AAGAB: variants seen among roughly 807,000 people sequenced by gnomAD.
AAGAB encodes alpha and gamma adaptin binding protein.
In AAGAB, 38 loss-of-function variants were observed where a neutral mutation model predicts 44.1. That is an observed-to-expected ratio of 0.86 (90% CI 0.67 to 1.13). The LOEUF (loss-of-function observed/expected upper bound fraction) is 1.13. Ranked by LOEUF, AAGAB falls within the 50% of genes most tolerant of loss-of-function variation. The probability of loss-of-function intolerance (pLI) is 0.00; values close to 1 mark genes in which losing one functional copy is unlikely to be tolerated. For missense variants in AAGAB, 450 were observed against 373.8 expected, an observed-to-expected ratio of 1.20 and a Z score of -1.68; for synonymous variants, 131 against 131.8, an observed-to-expected ratio of 0.99 and a Z score of 0.04.
chr15:67,224,091 T>C (rs1304781393), intron 5 of AAGAB, among the ~76,000 whole-genome samples: 1 of 152,228 alleles, frequency 6.6e-6, no homozygotes, highest in Non-Finnish European at 1.5e-5. Flanking sequence ...CTATATAACA[T>C]ACTAATTGCT....
chr15:67,238,057 A>G (rs2140382707), intron 1 of AAGAB, among the ~76,000 whole-genome samples: 1 of 152,356 alleles, frequency 6.6e-6, no homozygotes, highest in Non-Finnish European at 1.5e-5. Context: ...AAGTTTCATC[A>G]TGCAGTTAAG....
Position 67,241,609 on chromosome 15 carries a change from C to G in AAGAB, c.74-4789G>C, listed in dbSNP as rs142623657. Reference sequence around the variant, plus strand: ...ACAGGCCTGCATTTGCATGCTGGCTCTCTGCAAAGCCTTGGGCAGATTAAC... The same window carrying G: ...ACAGGCCTGCATTTGCATGCTGGCTGTCTGCAAAGCCTTGGGCAGATTAAC... On this transcript the variant is annotated intron_variant, in intron 1 of 9. Coordinates refer to ENST00000261880, the MANE Select transcript of AAGAB (RefSeq NM_024666.5). Among the ~76,000 whole-genome samples, 104 of 152,122 alleles carry G rather than the reference C, an allele frequency of 6.8e-4. 4 individuals carry two copies. In the East Asian group the frequency reaches 0.012, roughly 18 times the overall value.
At chr15:67,222,240 GCGCACACACACACACACACA>G (rs1964090898) in intron 5 of AAGAB, among the ~76,000 whole-genome samples, 2 of 88,278 alleles carry the variant, frequency 2.3e-5, no homozygotes, top group Middle Eastern at 6.3e-3. Context: ...ACGCGCGCGC[GCGCACACACACACACACACA>G]CACACACACA....
intron 5 of AAGAB, among the ~76,000 whole-genome samples, chr15:67,224,935 C>T (rs1028596867): frequency 6.6e-6 from 1 of 152,162 alleles, no homozygotes; most frequent in Non-Finnish European, 1.5e-5. Context: ...CAAGGTCAGG[C>T]AAGGGGCTAA....
At chr15:67,203,496 T>C (rs1475011593) in intron 9 of AAGAB, 52 bp downstream of exon 9, 3 of 1,457,730 alleles carry the variant, frequency 2.1e-6, no homozygotes, top group Admixed American at 1.8e-5. Context: ...ATTATAATAA[T>C]AGCACTGGAC....
chr15:67,226,894 T>A, intron 5 of AAGAB: 1 of 296,532 alleles, frequency 3.4e-6, no homozygotes, highest in South Asian at 2.9e-5. Flanking sequence ...CTTACGTTTT[T>A]AATTACCTAG....
chr15:67,206,822 C>A (rs1030494793), intron 7 of AAGAB, among the ~76,000 whole-genome samples: 1 of 152,044 alleles, frequency 6.6e-6, no homozygotes, highest in African/African-American at 2.4e-5. Flanking sequence ...TTTTTCTTGC[C>A]CAAGTCCTGG....
Position 67,236,431 on chromosome 15 carries a change from AC to A in AAGAB, c.337del (p.Val113SerfsTer10), listed in dbSNP as rs760548483. On this transcript the variant is annotated frameshift_variant, in exon 3 of 10. Coordinates refer to ENST00000261880, the MANE Select transcript of AAGAB (RefSeq NM_024666.5). LOFTEE classifies it high-confidence loss of function. ...KAWLPEVMILVCDRVSEDGIN... is the reference protein window; with the variant it reads ...KAWLPEVMILXCDRVSEDGIN... ...ACCATCTTCAGACACTCTATCGCAG[AC>A]CAAGATCATCACCTCAGGTAACCAT... 1 of 1,614,046 alleles carries A rather than the reference AC, an allele frequency of 6.2e-7. No homozygotes were observed. Among genetic ancestry groups the A allele is most frequent in the African/African-American group, 1.3e-5 (1 of 74,934 alleles).
intron 5 of AAGAB, among the ~76,000 whole-genome samples, chr15:67,214,002 A>G (rs1963884388): frequency 6.6e-6 from 1 of 152,254 alleles, no homozygotes; most frequent in African/African-American, 2.4e-5. Flanking sequence ...AAAGTCACAT[A>G]GCTGGAACCA....
At chr15:67,229,115 G>A (rs1022753680) in intron 5 of AAGAB, among the ~76,000 whole-genome samples, 1 of 152,088 alleles carries the variant, frequency 6.6e-6, no homozygotes, top group African/African-American at 2.4e-5. Context: ...TAACAAACCT[G>A]CACGTGTGCT....
chr15:67,214,671 C>G (rs1051746640), intron 5 of AAGAB, among the ~76,000 whole-genome samples: 2 of 151,540 alleles, frequency 1.3e-5, no homozygotes, highest in Non-Finnish European at 2.9e-5. Flanking sequence ...GACGGAGTCT[C>G]GCTCTGTCAC....
intron 5 of AAGAB, among the ~76,000 whole-genome samples, chr15:67,216,074 T>C (rs950112126): frequency 6.6e-6 from 1 of 152,128 alleles, no homozygotes; most frequent in African/African-American, 2.4e-5. Flanking sequence ...AAAATAATAA[T>C]ACTATTTTTT....
In AAGAB at chr15:67,241,040, T is replaced by TACACACACACACACACACACACACAC. The variant is rs10525823; in HGVS notation, c.74-4246_74-4221dup. On this transcript the variant is annotated intron_variant, in intron 1 of 9. Coordinates refer to ENST00000261880, the MANE Select transcript of AAGAB (RefSeq NM_024666.5). ...CAAACACCACAAATATCTGTTCTCC[T>TACACACACACACACACACACACACAC]ACACACACACACACACACACACACA... 6.1e-5 allele frequency among the ~76,000 whole-genome samples: 9 copies of TACACACACACACACACACACACACAC among 147,184 alleles called. No individual in the cohort carries two copies. In the East Asian group the frequency reaches 1.0e-3, roughly 16 times the overall value.
chr15:67,250,878 T>G (rs1227548743), intron 1 of AAGAB, among the ~76,000 whole-genome samples: 2 of 151,986 alleles, frequency 1.3e-5, no homozygotes, highest in Non-Finnish European at 2.9e-5. Flanking sequence ...ATACAAAAAA[T>G]TACCCGAGCT....
intron 1 of AAGAB, among the ~76,000 whole-genome samples, chr15:67,244,674 C>T (rs1964678958): frequency 1.3e-5 from 2 of 151,918 alleles, no homozygotes; most frequent in African/African-American, 2.4e-5. Context: ...TGTGGTGGCA[C>T]ACACCTGTAA....
chr15:67,209,399 AT>A, intron 6 of AAGAB, 62 bp downstream of exon 6: 2 of 1,299,094 alleles, frequency 1.5e-6, no homozygotes, highest in Non-Finnish European at 2.2e-6. Context: ...ATGTGTCAAG[AT>A]TCATAATGAC....
rs148801702 is a variant in AAGAB, at chr15:67,202,519, C to T, written c.*302G>A. 240 of 309,794 alleles carry T rather than the reference C, an allele frequency of 7.7e-4. 1 individual carries two copies. The highest frequency in any genetic ancestry group is 4.9e-3 in the African/African-American group (230 of 47,210). The allele number at this position is 309,794 out of a possible 1,614,324, so 19.2% of individuals were successfully genotyped here. On this transcript the variant is annotated 3_prime_UTR_variant, in exon 10 of 10. Transcript: ENST00000261880. The stretch of plus-strand genomic sequence containing the variant: ...GGAATGGCCTGGAGGTTGTCTTCAA[C>T]TTGAGTAAATCACACAGACCTCTGA...
In AAGAB at chr15:67,236,839, A is replaced by G. The variant is rs1964482215; in HGVS notation, c.74-19T>C. ...AGGATATCTAAAAATAAATGACAAC[A>G]TTACCATGTAAAGTGCAAAACCAAT... On this transcript the variant is annotated intron_variant, in intron 1 of 9. Coordinates refer to ENST00000261880, the MANE Select transcript of AAGAB (RefSeq NM_024666.5). 6.3e-7 allele frequency: 1 copy of G among 1,582,024 alleles called. No individual in the cohort carries two copies. Among genetic ancestry groups the G allele is most frequent in the African/African-American group, 1.4e-5 (1 of 74,008 alleles).
intron 5 of AAGAB, among the ~76,000 whole-genome samples, chr15:67,222,247 C>CAG (rs1964095625): frequency 1.2e-5 from 1 of 80,974 alleles, no homozygotes; most frequent in Non-Finnish European, 2.4e-5. Flanking sequence ...CGCGCGCACA[C>CAG]ACACACACAC....
Sources: gnomAD v4.1 joint callset for allele counts (sites outside exome capture counted in the v4.1 genomes callset) on GRCh38, gnomAD v4.1.1 for gene constraint, MANE v1.5 for transcripts, NCBI Gene and HGNC (gene_info 2026-07-23, HGNC 2026-07-21) for gene names.